Variants in GPC5 observed in about 807,000 individuals in gnomAD.
GPC5 encodes the protein glypican-5.
A neutral mutation model predicts 53.9 loss-of-function variants in GPC5; 47 were observed. That is an observed-to-expected ratio of 0.87 (90% CI 0.69 to 1.11). GPC5 has a LOEUF of 1.11. Among genes scored for constraint, GPC5 ranks in the 50% most tolerant of loss-of-function variants. The pLI is 0.00. For synonymous variants in GPC5, 286 were observed against 263.3 expected (o/e 1.09, Z -0.84); for missense variants, 748 against 713.1 (o/e 1.05, Z -0.56).
In GPC5 at chr13:92,145,114, A is replaced by G. The variant is rs746850509; in HGVS notation, c.1561+125A>G. On this transcript the variant is annotated intron_variant, in intron 7 of 7. Transcript: ENST00000377067. ...CAAGCAAGAGGAATTGGAAATGGAA[A>G]TGAATCTATTTTTGGTTTTTTAGGA... 13 of 915,562 alleles carry G rather than the reference A, an allele frequency of 1.4e-5. No individual in the cohort carries two copies. In the East Asian group the frequency reaches 2.7e-4, roughly 19 times the overall value. The allele number at this position is 915,562 out of a possible 1,614,324, so 56.7% of individuals were successfully genotyped here.
chr13:91,476,201 G>C (rs755585641), intron 2 of GPC5, among the ~76,000 whole-genome samples: 3 of 152,096 alleles, frequency 2.0e-5, no homozygotes. Context: ...CCCCTTCCCC[G>C]TTCCCAGCCA....
At chr13:92,582,556 A>T (rs1883406130) in intron 7 of GPC5, among the ~76,000 whole-genome samples, 1 of 152,104 alleles carries the variant, frequency 6.6e-6, no homozygotes, top group Non-Finnish European at 1.5e-5. Flanking sequence ...GAACTTTGAT[A>T]GGGATTACAC....
At chr13:92,427,438 C>T (rs1486143467) in intron 7 of GPC5, among the ~76,000 whole-genome samples, 2 of 148,976 alleles carry the variant, frequency 1.3e-5, no homozygotes, top group Non-Finnish European at 3.0e-5. Flanking sequence ...GAACTTAGCT[C>T]GGATATAAAA....
chr13:92,824,721 C>A (rs1877784853), intron 7 of GPC5, among the ~76,000 whole-genome samples: 3 of 12,252 alleles, frequency 2.4e-4, no homozygotes, highest in Admixed American at 1.2e-3. Flanking sequence ...TAGCAAATGC[C>A]TTTTGAAAAA....
At chr13:92,727,715 A>G (rs1338596282) in intron 7 of GPC5, among the ~76,000 whole-genome samples, 1 of 151,326 alleles carries the variant, frequency 6.6e-6, no homozygotes, top group Non-Finnish European at 1.5e-5. Context: ...TCACTTCTGA[A>G]AAGAAACATA....
chr13:91,812,468 A>T (rs1211348946), intron 5 of GPC5, among the ~76,000 whole-genome samples: 12 of 152,212 alleles, frequency 7.9e-5, no homozygotes, highest in African/African-American at 2.7e-4. Context: ...CACACTTATG[A>T]AGTGATTAGA....
chr13:91,760,332 GA>G (rs1171426715), intron 5 of GPC5, among the ~76,000 whole-genome samples: 6 of 152,046 alleles, frequency 3.9e-5, no homozygotes, highest in African/African-American at 1.2e-4. Flanking sequence ...TTCTCCTTGA[GA>G]AAAAATGAAG....
At chr13:91,406,436 C>T (rs1446044181) in intron 1 of GPC5, among the ~76,000 whole-genome samples, 1 of 152,054 alleles carries the variant, frequency 6.6e-6, no homozygotes, top group African/African-American at 2.4e-5. Flanking sequence ...GACCATTAGC[C>T]CAAAGCCAAA....
At chr13:91,495,377 G>A (rs1030478037) in intron 2 of GPC5, among the ~76,000 whole-genome samples, 5 of 152,134 alleles carry the variant, frequency 3.3e-5, no homozygotes, top group Admixed American at 6.5e-5. Context: ...GAAGCATCAA[G>A]CCATGTCACT....
At chr13:92,069,408 ATGTG>A (rs67467167) in intron 6 of GPC5, among the ~76,000 whole-genome samples, 42,662 of 142,986 alleles carry the variant, frequency 0.3, 6,562 homozygotes, top group Non-Finnish European at 0.36. Flanking sequence ...GTGTGCGTGC[ATGTG>A]TGTGTGTGTG....
chr13:92,835,135 C>T (rs1333791712), intron 7 of GPC5, among the ~76,000 whole-genome samples: 1 of 151,890 alleles, frequency 6.6e-6, no homozygotes, highest in Non-Finnish European at 1.5e-5. Flanking sequence ...AGATTTATTA[C>T]CAAATTATAC....
intron 7 of GPC5, among the ~76,000 whole-genome samples, chr13:92,546,142 T>C (rs1594293366): frequency 6.6e-6 from 1 of 152,042 alleles, no homozygotes; most frequent in East Asian, 1.9e-4. Context: ...CTATTCAACA[T>C]AGTGTTGGAA....
At chr13:92,477,097 T>C (rs1399123824) in intron 7 of GPC5, among the ~76,000 whole-genome samples, 1 of 151,808 alleles carries the variant, frequency 6.6e-6, no homozygotes, top group Admixed American at 6.6e-5. Flanking sequence ...AATAAACAGT[T>C]GAAGATAGTG....
chr13:92,165,758 A>T (rs1301387768), intron 7 of GPC5, among the ~76,000 whole-genome samples: 1 of 152,230 alleles, frequency 6.6e-6, no homozygotes, highest in Admixed American at 6.5e-5. Flanking sequence ...AAGCTATTTG[A>T]TAGATTTATT....
At chr13:91,999,666 G>C (rs2040537144) in intron 6 of GPC5, among the ~76,000 whole-genome samples, 1 of 152,018 alleles carries the variant, frequency 6.6e-6, no homozygotes, top group East Asian at 1.9e-4. Flanking sequence ...AAATCTCATG[G>C]CCACCTTATT....
chr13:91,464,192 C>T (rs1043204240), intron 2 of GPC5, among the ~76,000 whole-genome samples: 14 of 151,998 alleles, frequency 9.2e-5, no homozygotes, highest in African/African-American at 3.1e-4. Flanking sequence ...TCACTACACC[C>T]TATCAAGTAT....
intron 7 of GPC5, among the ~76,000 whole-genome samples, chr13:92,555,942 A>G (rs537388191): frequency 6.6e-5 from 10 of 151,726 alleles, no homozygotes; most frequent in Non-Finnish European, 1.2e-4. Flanking sequence ...TATTTCATAT[A>G]CAAGTGTATA....
At chr13:92,013,145 G>A (rs531906386) in intron 6 of GPC5, among the ~76,000 whole-genome samples, 1 of 152,310 alleles carries the variant, frequency 6.6e-6, no homozygotes, top group South Asian at 2.1e-4. Context: ...GGCCAGTGGT[G>A]ACAGCCTTTT....
At chr13:91,657,570 A>G (rs2034877792) in intron 2 of GPC5, among the ~76,000 whole-genome samples, 1 of 152,132 alleles carries the variant, frequency 6.6e-6, no homozygotes, top group African/African-American at 2.4e-5. Context: ...AAATTATCCC[A>G]CCCAAAACAT....
Sources: allele counts gnomAD v4.1 joint callset (sites outside exome capture counted in the v4.1 genomes callset), GRCh38; gene constraint gnomAD v4.1.1; transcripts MANE v1.5; gene names NCBI Gene and HGNC (gene_info 2026-07-23, HGNC 2026-07-21).